The following SLC13A1 variants were observed in gnomAD, a reference collection of about 807,000 sequenced individuals.
The protein encoded by SLC13A1 is solute carrier family 13 member 1.
SLC13A1 carries 65 observed loss-of-function variants against 70.0 expected under a neutral mutation model. The observed-to-expected ratio is 0.93, with a 90% CI of 0.76 to 1.14. The LOEUF is 1.14. Ranked by LOEUF, SLC13A1 falls within the 50% of genes most tolerant of loss-of-function variation. The pLI is 0.00. For missense variants in SLC13A1, 726 were observed against 717.8 expected (o/e 1.01, Z -0.13); for synonymous variants, 275 against 250.5 (o/e 1.10, Z -0.92).
chr7:123,148,606 T>C (rs1427196898), intron 6 of SLC13A1: 1 of 353,916 alleles, frequency 2.8e-6, no homozygotes, highest in Non-Finnish European at 5.5e-6. Flanking sequence ...ACCAATAACT[T>C]TTCCGGTCAT....
At chr7:123,129,258 C>T (rs1793667780) in intron 9 of SLC13A1, 125 bp downstream of exon 9, 4 of 829,466 alleles carry the variant, frequency 4.8e-6, no homozygotes, top group Admixed American at 2.8e-5. Context: ...AAATACCTTG[C>T]AAGCAATTAT....
chr7:123,147,365 C>CACAAATATTCAGTCCA, intron 6 of SLC13A1, 55 bp from the exon 7 acceptor site: 1 of 1,582,522 alleles, frequency 6.3e-7, no homozygotes, highest in Non-Finnish European at 8.6e-7. Flanking sequence ...TTGTTATGGA[C>CACAAATATTCAGTCCA]TGAATATTTG....
intron 1 of SLC13A1, among the ~76,000 whole-genome samples, chr7:123,191,443 T>A (rs1795994296): frequency 6.6e-6 from 1 of 152,182 alleles, no homozygotes; most frequent in South Asian, 2.1e-4. Context: ...CTTGTTTGCT[T>A]TTCTGACTCA....
At chr7:123,143,112 T>C (rs1357430710) in intron 7 of SLC13A1, among the ~76,000 whole-genome samples, 1 of 152,158 alleles carries the variant, frequency 6.6e-6, no homozygotes, top group Non-Finnish European at 1.5e-5. Flanking sequence ...CTCTCCACTC[T>C]TCCCTCTCCT....
intron 9 of SLC13A1, 41 bp downstream of exon 9, chr7:123,129,324 CTGTGTGTGTGTGTGTGTG>C (rs3837116): frequency 0.025 from 19,093 of 769,926 alleles, 587 homozygotes; most frequent in East Asian, 0.042. Flanking sequence ...TCTCTCTTCT[CTGTGTGTGTGTGTGTGTG>C]TGTGTGTGTG....
chr7:123,163,110 T>C (rs183365379), intron 6 of SLC13A1, among the ~76,000 whole-genome samples: 1 of 152,080 alleles, frequency 6.6e-6, no homozygotes, highest in Non-Finnish European at 1.5e-5. Flanking sequence ...CCTTCTTTGG[T>C]ATCTACAAAT....
chr7:123,151,267 TG>T (rs1359061770), intron 6 of SLC13A1, among the ~76,000 whole-genome samples: 2 of 151,878 alleles, frequency 1.3e-5, no homozygotes, highest in Admixed American at 6.6e-5. Context: ...GAGGTTGCAG[TG>T]AGTCAAGATT....
At chr7:123,149,137 C>T (rs554760116) in intron 6 of SLC13A1, among the ~76,000 whole-genome samples, 18 of 152,170 alleles carry the variant, frequency 1.2e-4, no homozygotes, top group African/African-American at 4.1e-4. Flanking sequence ...GATAGTCTAC[C>T]TGGTCTCTTT....
Position 123,181,086 on chromosome 7 carries a change from A to G in SLC13A1, c.115T>C (p.Tyr39His). 1 of 1,612,282 alleles carries G rather than the reference A, an allele frequency of 6.2e-7. No individual in the cohort carries two copies. Residue 39 changes from tyrosine to histidine, a missense_variant, in exon 2 of 15, where the codon TAC becomes CAC. Coordinates refer to ENST00000194130, the MANE Select transcript of SLC13A1 (RefSeq NM_022444.4). ...VLHTKEAECA[Y>H]TLFVVATFWL... ...AATGTGGCGACCACAAAGAGTGTGT[A>G]GGCACATTCTGCTTCCTGGTAAGAA...
intron 6 of SLC13A1, among the ~76,000 whole-genome samples, chr7:123,149,030 A>G (rs1044146493): frequency 2.6e-5 from 4 of 152,280 alleles, no homozygotes; most frequent in South Asian, 2.1e-4. Flanking sequence ...TGAGACTCCT[A>G]TTATCCAAAT....
intron 12 of SLC13A1, among the ~76,000 whole-genome samples, chr7:123,120,816 A>G (rs1440596978): frequency 3.3e-5 from 5 of 152,044 alleles, no homozygotes. Context: ...GTATACTTTA[A>G]GAATAGGTTT....
At chr7:123,168,010 T>C (rs1223369557) in intron 6 of SLC13A1, among the ~76,000 whole-genome samples, 1 of 152,046 alleles carries the variant, frequency 6.6e-6, no homozygotes, top group Non-Finnish European at 1.5e-5. Flanking sequence ...AATTCACCTG[T>C]ACTACAAACC....
chr7:123,147,412 C>G, intron 6 of SLC13A1, 102 bp from the exon 7 acceptor site: 1 of 1,333,158 alleles, frequency 7.5e-7, no homozygotes. Flanking sequence ...TGTTGAAACC[C>G]TAACTCCTGA....
chr7:123,119,327 C>A, intron 12 of SLC13A1, 85 bp from the exon 13 acceptor site: 2 of 931,308 alleles, frequency 2.1e-6, no homozygotes, highest in Non-Finnish European at 1.6e-6. Context: ...AACATTATTT[C>A]CTTTGAAAAC....
intron 11 of SLC13A1, among the ~76,000 whole-genome samples, chr7:123,124,929 GCCA>G (rs1793509378): frequency 6.6e-6 from 1 of 151,908 alleles, no homozygotes; most frequent in Non-Finnish European, 1.5e-5. Flanking sequence ...CTCCAGATTG[GCCA>G]CCACACCTGG....
At chr7:123,190,125 T>C (rs1795948179) in intron 1 of SLC13A1, among the ~76,000 whole-genome samples, 1 of 152,246 alleles carries the variant, frequency 6.6e-6, no homozygotes, top group African/African-American at 2.4e-5. Context: ...CTCAGTTCAC[T>C]GAATATATCT....
chr7:123,158,670 C>T (rs1237163743), intron 6 of SLC13A1, among the ~76,000 whole-genome samples: 1 of 151,802 alleles, frequency 6.6e-6, no homozygotes, highest in Non-Finnish European at 1.5e-5. Context: ...TATACACACA[C>T]ATCATTAAAG....
intron 1 of SLC13A1, among the ~76,000 whole-genome samples, chr7:123,193,040 A>G (rs1796051714): frequency 6.6e-6 from 1 of 152,090 alleles, no homozygotes; most frequent in Admixed American, 6.6e-5. Context: ...AGCACCTGAG[A>G]TGCATTGTTT....
chr7:123,162,257 T>C (rs73217772), intron 6 of SLC13A1, among the ~76,000 whole-genome samples: 24,415 of 152,106 alleles, frequency 0.16, 2,625 homozygotes, highest in Non-Finnish European at 0.23. Context: ...AATAAAGATA[T>C]ATGGGAGAAA....
Sources: gnomAD v4.1 joint callset for allele counts (sites outside exome capture counted in the v4.1 genomes callset) on GRCh38, gnomAD v4.1.1 for gene constraint, MANE v1.5 for transcripts, NCBI Gene and HGNC (gene_info 2026-07-23, HGNC 2026-07-21) for gene names.